Variants in TFPI observed in about 807,000 individuals in gnomAD.
TFPI encodes the protein tissue factor pathway inhibitor.
In TFPI, 15 loss-of-function variants were observed where a neutral mutation model predicts 34.6. The observed-to-expected ratio is 0.43, with a 90% CI of 0.29 to 0.67. The LOEUF (loss-of-function observed/expected upper bound fraction) is 0.67. Among genes scored for constraint, TFPI ranks in the 30% least tolerant of loss-of-function variants. TFPI has a pLI of 0.15. For synonymous variants in TFPI, 105 were observed against 120.1 expected, an observed-to-expected ratio of 0.87 and a Z score of 0.82; for missense variants, 301 against 364.0, an observed-to-expected ratio of 0.83 and a Z score of 1.41.
At chr2:187,537,430 C>T (rs943219997) in intron 1 of TFPI, among the ~76,000 whole-genome samples, 4 of 152,038 alleles carry the variant, frequency 2.6e-5, no homozygotes, top group Non-Finnish European at 5.9e-5. Context: ...TCAGAGATAA[C>T]GCCACACATC....
chr2:187,478,462 T>C (rs913853842), intron 6 of TFPI: 11 of 542,448 alleles, frequency 2.0e-5, no homozygotes, highest in African/African-American at 1.8e-4. Context: ...AATGACTTTT[T>C]TTCCATGAAT....
intron 1 of TFPI, among the ~76,000 whole-genome samples, chr2:187,513,256 C>T (rs142233109): frequency 2.9e-4 from 44 of 152,128 alleles, no homozygotes; most frequent in African/African-American, 1.0e-3. Context: ...AAAAACACAA[C>T]GGGTTTTTTC....
intron 6 of TFPI, among the ~76,000 whole-genome samples, chr2:187,481,795 C>T (rs1016329672): frequency 1.3e-5 from 2 of 152,088 alleles, no homozygotes; most frequent in Admixed American, 1.3e-4. Flanking sequence ...ATAAAGGAGA[C>T]ATTTGCCCTA....
In TFPI at chr2:187,466,403, A is replaced by G. The variant is rs1691720782; in HGVS notation, c.*533T>C. 6.6e-6 allele frequency: 1 copy of G among 152,576 alleles called. No homozygotes were observed. Among genetic ancestry groups the G allele is most frequent in the Non-Finnish European group, 1.5e-5 (1 of 68,368 alleles). 9.5% of individuals were successfully genotyped at this position (152,576 alleles called of 1,614,324 possible). ...AGTACTGGTTAGTACAAAAGGAGAAAAACTATGTCTAAGGAGGGAAGCACA... is the reference window on the plus strand; with the variant it reads ...AGTACTGGTTAGTACAAAAGGAGAAGAACTATGTCTAAGGAGGGAAGCACA... On this transcript the variant is annotated 3_prime_UTR_variant, in exon 8 of 8. Transcript: ENST00000233156.
chr2:187,528,593 G>A (rs974428862), intron 1 of TFPI, among the ~76,000 whole-genome samples: 2 of 152,004 alleles, frequency 1.3e-5, no homozygotes, highest in South Asian at 2.1e-4. Flanking sequence ...CTATAGGAAC[G>A]TTAAATTACA....
chr2:187,519,650 GTCTCTTA>G (rs1289782635), intron 1 of TFPI: 9 of 151,680 alleles, frequency 5.9e-5, no homozygotes, highest in Non-Finnish European at 1.3e-4. Flanking sequence ...GAGGCAGTCT[GTCTCTTA>G]CCAGAGCTCG....
chr2:187,544,719 G>C (rs566274136), intron 1 of TFPI: 1 of 151,496 alleles, frequency 6.6e-6, no homozygotes, highest in African/African-American at 2.4e-5. Flanking sequence ...ATACTTTTCT[G>C]GAGAACTACT....
intron 1 of TFPI, among the ~76,000 whole-genome samples, chr2:187,553,611 G>GT (rs1689171553): frequency 6.6e-6 from 1 of 152,086 alleles, no homozygotes; most frequent in African/African-American, 2.4e-5. Context: ...AGACTTGATC[G>GT]TAAGTATTCT....
intron 6 of TFPI, chr2:187,478,598 TA>T: frequency 2.6e-6 from 4 of 1,514,104 alleles, no homozygotes; most frequent in Non-Finnish European, 3.5e-6. Flanking sequence ...ATGTAAATAT[TA>T]AAACTTTATT....
At chr2:187,548,467 T>C (rs74398859) in intron 1 of TFPI, among the ~76,000 whole-genome samples, 3 of 152,052 alleles carry the variant, frequency 2.0e-5, no homozygotes, top group Non-Finnish European at 4.4e-5. Context: ...AAAAAAGGTA[T>C]AAGCTCCCTT....
At chr2:187,541,732 G>C (rs1283004084) in intron 1 of TFPI, among the ~76,000 whole-genome samples, 1 of 152,172 alleles carries the variant, frequency 6.6e-6, no homozygotes, top group Non-Finnish European at 1.5e-5. Flanking sequence ...TGACTATGAG[G>C]TGACTGTGAA....
At chr2:187,551,733 T>C (rs1689102662) in intron 1 of TFPI, among the ~76,000 whole-genome samples, 1 of 152,168 alleles carries the variant, frequency 6.6e-6, no homozygotes, top group African/African-American at 2.4e-5. Flanking sequence ...TTCAAGTTTC[T>C]CCTAATGCAC....
At position 187,464,347 on chromosome 2, in the gene TFPI, A is replaced by G. The variant is rs1691618420; in HGVS notation, c.*2589T>C. The G allele has an allele frequency of 6.6e-6, 1 of 152,224 alleles. No homozygotes were observed. The highest frequency in any genetic ancestry group is 1.5e-5 in the Non-Finnish European group (1 of 68,030). 9.4% of individuals were successfully genotyped at this position (152,224 alleles called of 1,614,324 possible). A position where few individuals can be genotyped will look rare whatever the true frequency, so the allele number is the denominator to read the frequency against. ...CAGAGAATGAACAAAGCAGGTAAAT[A>G]TATGTATATGCTGAATAATGTAATT... On this transcript the variant is annotated 3_prime_UTR_variant, in exon 8 of 8. Coordinates refer to ENST00000233156, the MANE Select transcript of TFPI (RefSeq NM_006287.6).
chr2:187,513,362 A>C (rs1686777970), intron 1 of TFPI, among the ~76,000 whole-genome samples: 1 of 152,218 alleles, frequency 6.6e-6, no homozygotes, highest in Admixed American at 6.5e-5. Context: ...AATTGAATAA[A>C]TATGTCTACG....
intron 1 of TFPI, among the ~76,000 whole-genome samples, chr2:187,540,724 C>T (rs1326171696): frequency 6.6e-6 from 1 of 151,730 alleles, no homozygotes; most frequent in East Asian, 1.9e-4. Context: ...AACCCCATCT[C>T]TACTAAAAAT....
rs931123979 is a variant in TFPI at position 187,465,137 on chromosome 2, T to A, written c.*1799A>T. On this transcript the variant is annotated 3_prime_UTR_variant, in exon 8 of 8. Coordinates refer to ENST00000233156, the MANE Select transcript of TFPI (RefSeq NM_006287.6). Reference sequence around the variant, plus strand: ...GTAGTTAAGTACCAACTAGTGTGAGTTCTGGGAGCATTTTGAAATGGTGGA... The same window carrying A: ...GTAGTTAAGTACCAACTAGTGTGAGATCTGGGAGCATTTTGAAATGGTGGA... 9 of 151,980 alleles carry A rather than the reference T, an allele frequency of 5.9e-5. No homozygotes were observed. The highest frequency in any genetic ancestry group is 1.2e-4 in the Non-Finnish European group (8 of 67,996). The allele number at this position is 151,980 out of a possible 1,614,324, so 9.4% of individuals were successfully genotyped here.
Position 187,484,829 on chromosome 2 carries a change from T to C in TFPI, c.517A>G (p.Asn173Asp), listed in dbSNP as rs761628569. ...AACTTACGACCATCTTCACAAATGT[T>C]CTTGCATTCTTCCAGTGTCTCAAAA... Reference protein sequence around the residue: ...NNFETLEECKNICEDGPNGFQ... With the variant: ...NNFETLEECKDICEDGPNGFQ... Residue 173 changes from asparagine (N) to aspartate (D), a missense_variant, in exon 5 of 8, where the codon AAC (asparagine) becomes GAC (aspartate). Transcript: ENST00000233156. 2 of 1,588,846 alleles carry C rather than the reference T, an allele frequency of 1.3e-6. No homozygotes were observed. The highest frequency in any genetic ancestry group is 2.7e-5 in the African/African-American group (2 of 73,394).
At chr2:187,484,778 A>T (rs765858763) in intron 5 of TFPI, 33 bp downstream of exon 5, 7 of 1,551,960 alleles carry the variant, frequency 4.5e-6, no homozygotes, top group Non-Finnish European at 6.0e-6. Flanking sequence ...GATGCCTATA[A>T]ATGAACTAAA....
chr2:187,490,845 A>C (rs1238010243), intron 3 of TFPI, among the ~76,000 whole-genome samples: 1 of 151,538 alleles, frequency 6.6e-6, no homozygotes, highest in African/African-American at 2.4e-5. Flanking sequence ...TGAATATTTT[A>C]ATAATAATTT....
Sources: allele counts gnomAD v4.1 joint callset (sites outside exome capture counted in the v4.1 genomes callset), GRCh38; gene constraint gnomAD v4.1.1; transcripts MANE v1.5; gene names NCBI Gene and HGNC (gene_info 2026-07-23, HGNC 2026-07-21).